The following RALGAPA2 variants were observed in gnomAD, a reference collection of about 807,000 sequenced individuals.
The protein encoded by RALGAPA2 is Ral GTPase activating protein catalytic subunit alpha 2, also known as ral GTPase-activating protein subunit alpha-2.
RALGAPA2 carries 139 observed loss-of-function variants against 230.4 expected under a neutral mutation model. The observed-to-expected ratio is 0.60, with a 90% confidence interval of 0.53 to 0.69. The LOEUF is 0.69. RALGAPA2 is among the 30% of genes least tolerant of loss of function. The probability of loss-of-function intolerance (pLI) is 0.00; values close to 1 mark genes in which losing one functional copy is unlikely to be tolerated. For synonymous variants in RALGAPA2, 847 were observed against 837.8 expected, an observed-to-expected ratio of 1.01 and a Z score of -0.19; for missense variants, 2,163 against 2,276.0, an observed-to-expected ratio of 0.95 and a Z score of 1.01.
chr20:20,473,910 G>A (rs1273608804), intron 36 of RALGAPA2, among the ~76,000 whole-genome samples: 2 of 152,088 alleles, frequency 1.3e-5, no homozygotes, highest in Admixed American at 6.6e-5. Context: ...TATTTATTAT[G>A]TGTTGGACAC....
intron 1 of RALGAPA2, among the ~76,000 whole-genome samples, chr20:20,685,468 TGAAATAGATGGGCA>T (rs1300605451): frequency 2.0e-5 from 3 of 151,974 alleles, no homozygotes; most frequent in African/African-American, 7.3e-5. Flanking sequence ...CATAGCCCAA[TGAAATAGATGGGCA>T]GGTGTGATTA....
At chr20:20,635,754 T>C (rs1868993750) in intron 8 of RALGAPA2, 137 bp from the exon 9 acceptor site, 4 of 703,346 alleles carry the variant, frequency 5.7e-6, no homozygotes, top group Non-Finnish European at 6.8e-6. Flanking sequence ...ACCGCAATTA[T>C]TTAAAATGGC....
chr20:20,635,536 T>C lies in RALGAPA2; in HGVS notation c.887A>G (p.Tyr296Cys), dbSNP rs756839236. The C allele has an allele frequency of 2.5e-6, 4 of 1,595,750 alleles. No homozygotes were observed. The African/African-American group carries it at 4.1e-5, about 16-fold the overall frequency. ...AATAAAAACAACACGAGCTGCCATA[T>C]ATGGAATCTTTGTACTGTAAATGTT... Reference protein sequence around the residue: ...NENIYSTKIPYMAARVVFIKW... With the variant: ...NENIYSTKIPCMAARVVFIKW... The change falls in exon 9 of 40, where the codon TAT (tyrosine) becomes TGT (cysteine). Residue 296 changes from tyrosine (Y) to cysteine (C), a missense_variant. Physicochemically the swap from Tyr to Cys is radical, Grantham distance 194. Coordinates refer to ENST00000202677, the MANE Select transcript of RALGAPA2 (RefSeq NM_020343.4).
At chr20:20,458,262 T>C (rs868780121) in intron 37 of RALGAPA2, among the ~76,000 whole-genome samples, 4 of 151,860 alleles carry the variant, frequency 2.6e-5, no homozygotes, top group South Asian at 2.1e-4. Flanking sequence ...TTGTCGAAGA[T>C]GGTTTCTGTT....
chr20:20,565,804 G>A (rs2064401014), intron 23 of RALGAPA2, among the ~76,000 whole-genome samples: 1 of 152,198 alleles, frequency 6.6e-6, no homozygotes, highest in Non-Finnish European at 1.5e-5. Flanking sequence ...ACTGAAATAT[G>A]AACCAGTGTT....
rs1485229037 is a variant in RALGAPA2, at chr20:20,524,414, T to C, written c.3892A>G (p.Ile1298Val). The C allele has an allele frequency of 6.2e-7, 1 of 1,613,668 alleles. No homozygotes were observed. The highest frequency in any genetic ancestry group is 2.2e-5 in the East Asian group (1 of 44,862). Residue 1298 changes from isoleucine (I) to valine (V), a missense_variant, in exon 30 of 40, where the codon ATC becomes GTC. Physicochemically the swap from Ile to Val is conservative, Grantham distance 29. Transcript: ENST00000202677. Reference sequence around the variant, plus strand: ...CCCAGGTGTAGACTCACCCTGTAGATATAATCCAGCAAGGGGGCTCTGGCC... The same window carrying C: ...CCCAGGTGTAGACTCACCCTGTAGACATAATCCAGCAAGGGGGCTCTGGCC... Reference protein sequence around the residue: ...HSARAPLLDYIYRVLHCCVCG... With the variant: ...HSARAPLLDYVYRVLHCCVCG...
intron 4 of RALGAPA2, among the ~76,000 whole-genome samples, chr20:20,648,049 T>C (rs1180733672): frequency 6.6e-6 from 1 of 152,186 alleles, no homozygotes; most frequent in Non-Finnish European, 1.5e-5. Context: ...ATAGTAGCTT[T>C]ACTTATAATA....
At chr20:20,653,644 A>G (rs1057299367) in intron 3 of RALGAPA2, 57 bp from the exon 4 acceptor site, 3 of 1,044,344 alleles carry the variant, frequency 2.9e-6, no homozygotes, top group African/African-American at 1.6e-5. Context: ...CATTTTCATG[A>G]CAGGCCCATA....
intron 34 of RALGAPA2, chr20:20,505,125 C>G (rs2123702836): frequency 1.0e-6 from 1 of 985,434 alleles, no homozygotes; most frequent in African/African-American, 1.7e-5. Context: ...TTTGTCTTCT[C>G]TTACTACAAA....
chr20:20,712,595 C>CCCG lies in RALGAPA2; in HGVS notation c.-118_-116dup, dbSNP rs1568789985. The CCCG allele has an allele frequency of 8.4e-7, 1 of 1,187,916 alleles. No individual in the cohort carries two copies. Among genetic ancestry groups the CCCG allele is most frequent in the Non-Finnish European group, 1.1e-6 (1 of 946,978 alleles). 73.6% of individuals were successfully genotyped at this position (1,187,916 alleles called of 1,614,324 possible). On this transcript the variant is annotated 5_prime_UTR_variant, in exon 1 of 40. Transcript: ENST00000202677. This position sits in a 1 kb window ranked among gnomAD's most constrained non-coding sequence, Gnocchi z 5.5. ...GCGCGGGCCACTCGCCGCCCCCAGCCCCGCTGCTGCCGCCGCCGCCGCCGC... is the reference window on the plus strand; with the variant it reads ...GCGCGGGCCACTCGCCGCCCCCAGCCCCGCCGCTGCTGCCGCCGCCGCCGCCGC...
chr20:20,572,832 C>A, intron 21 of RALGAPA2, 43 bp downstream of exon 21: 1 of 1,387,776 alleles, frequency 7.2e-7, no homozygotes, highest in Non-Finnish European at 9.6e-7. Flanking sequence ...ATGATAAGAC[C>A]ATTTTCCTGG....
At position 20,634,148 on chromosome 20, in the gene RALGAPA2, AT is replaced by A. The variant is rs564616902; in HGVS notation, c.1005+1269del. On this transcript the variant is annotated intron_variant, in intron 9 of 39. Transcript: ENST00000202677. ...CTTTAAGTTTGAGGCACACCTTTTTATTTTTTTTTTTCAGTTCAGATAAACT... is the reference window on the plus strand; with the variant it reads ...CTTTAAGTTTGAGGCACACCTTTTTATTTTTTTTTTCAGTTCAGATAAACT... Among the ~76,000 whole-genome samples, 196 of 141,412 alleles carry A rather than the reference AT, an allele frequency of 1.4e-3. 1 individual carries two copies. Among genetic ancestry groups the A allele is most frequent in the African/African-American group, 3.5e-3 (135 of 38,580 alleles). The allele number at this position is 141,412 out of a possible 152,430, so 92.8% of individuals were successfully genotyped here.
intron 14 of RALGAPA2, among the ~76,000 whole-genome samples, chr20:20,608,820 C>A (rs932558845): frequency 1.3e-5 from 2 of 152,148 alleles, no homozygotes; most frequent in Admixed American, 1.3e-4. Context: ...CTCATGACAA[C>A]CCTGCAGGGT....
chr20:20,661,175 T>C (rs2067763870), intron 3 of RALGAPA2, among the ~76,000 whole-genome samples: 2 of 152,218 alleles, frequency 1.3e-5, no homozygotes, highest in Non-Finnish European at 2.9e-5. Context: ...TTATTTTTTT[T>C]TGAGACAGAG....
chr20:20,472,459 TAC>T (rs2061560575), intron 37 of RALGAPA2: 1 of 154,968 alleles, frequency 6.5e-6, no homozygotes, highest in African/African-American at 2.4e-5. Flanking sequence ...GAATGAGCGA[TAC>T]GTTTTGCTCA....
At chr20:20,589,878 A>T (rs1555793213) in intron 17 of RALGAPA2, among the ~76,000 whole-genome samples, 3 of 151,728 alleles carry the variant, frequency 2.0e-5, no homozygotes, top group Non-Finnish European at 4.4e-5. Context: ...GGGGCAATAA[A>T]TTTGAAAAAA....
chr20:20,458,741 T>C (rs1221217798), intron 37 of RALGAPA2, among the ~76,000 whole-genome samples: 2 of 26,030 alleles, frequency 7.7e-5, no homozygotes, highest in African/African-American at 2.6e-4. Context: ...CACACCTATA[T>C]ATATATACAT....
intron 37 of RALGAPA2, among the ~76,000 whole-genome samples, chr20:20,421,273 T>C (rs1236026889): frequency 6.6e-6 from 1 of 152,186 alleles, no homozygotes; most frequent in Admixed American, 6.5e-5. Context: ...TCACGTCTAC[T>C]AGGATGACTA....
intron 12 of RALGAPA2, among the ~76,000 whole-genome samples, chr20:20,618,678 T>C (rs964389936): frequency 1.3e-5 from 2 of 152,066 alleles, no homozygotes; most frequent in African/African-American, 4.8e-5. Context: ...CACCCTGTAT[T>C]TTCACTTACT....
Sources: allele counts gnomAD v4.1 joint callset (sites outside exome capture counted in the v4.1 genomes callset), GRCh38; gene constraint gnomAD v4.1.1; non-coding constraint Gnocchi (gnomAD v3.1); transcripts MANE v1.5; gene names NCBI Gene and HGNC (gene_info 2026-07-23, HGNC 2026-07-21).